Variants in UNC80 observed in about 807,000 individuals in gnomAD.
UNC80 encodes unc-80 subunit of NALCN channel complex, also known as protein unc-80 homolog.
In UNC80, 164 loss-of-function variants were observed where a neutral mutation model predicts 384.6. The ratio of observed to expected loss-of-function variants is 0.43; its 90% CI spans 0.38 to 0.49. The LOEUF is 0.49. UNC80 is among the 20% of genes least tolerant of loss of function. The pLI, the probability that UNC80 is intolerant of heterozygous loss-of-function variation, is 0.00. For missense variants in UNC80, 3,330 were observed against 4,143.0 expected, an observed-to-expected ratio of 0.80 and a Z score of 5.39; for synonymous variants, 1,486 against 1,527.8, an observed-to-expected ratio of 0.97 and a Z score of 0.64.
chr2:209,826,646 A>G (rs2080543371), intron 14 of UNC80, among the ~76,000 whole-genome samples: 1 of 152,172 alleles, frequency 6.6e-6, no homozygotes, highest in Admixed American at 6.5e-5. Context: ...TGGGCTTGCC[A>G]AACGTAATTC....
At chr2:209,897,289 G>C (rs966123543) in intron 28 of UNC80, among the ~76,000 whole-genome samples, 5 of 152,180 alleles carry the variant, frequency 3.3e-5, no homozygotes, top group African/African-American at 1.2e-4. Context: ...GCCAGGTTGA[G>C]AAAACATTAT....
At chr2:209,883,530 A>G (rs1425964970) in intron 25 of UNC80, among the ~76,000 whole-genome samples, 2 of 145,702 alleles carry the variant, frequency 1.4e-5, no homozygotes, top group African/African-American at 5.1e-5. Flanking sequence ...TCCCAGGTTC[A>G]CACCATTCTC....
intron 2 of UNC80, among the ~76,000 whole-genome samples, chr2:209,774,187 C>T (rs2076738446): frequency 6.6e-6 from 1 of 152,222 alleles, no homozygotes; most frequent in Non-Finnish European, 1.5e-5. Flanking sequence ...AAGTTAAACA[C>T]ATACATGCCC....
intron 56 of UNC80, among the ~76,000 whole-genome samples, chr2:209,975,231 C>T (rs1258381545): frequency 1.3e-5 from 2 of 152,160 alleles, no homozygotes; most frequent in African/African-American, 4.8e-5. Context: ...TGCTGAGATT[C>T]ATGGGCCTTA....
chr2:209,883,675 C>T (rs147958348), intron 25 of UNC80, among the ~76,000 whole-genome samples: 14 of 152,064 alleles, frequency 9.2e-5, no homozygotes, highest in Admixed American at 2.6e-4. Context: ...CCTCATGATC[C>T]GCCTGCCTTG....
intron 48 of UNC80, among the ~76,000 whole-genome samples, chr2:209,956,540 C>T (rs2092424110): frequency 6.6e-6 from 1 of 152,136 alleles, no homozygotes; most frequent in Non-Finnish European, 1.5e-5. Context: ...TACCTTCCAA[C>T]CAGCAATAGC....
intron 20 of UNC80, 118 bp downstream of exon 20, chr2:209,840,766 A>T: frequency 1.3e-6 from 1 of 778,440 alleles, no homozygotes; most frequent in Non-Finnish European, 2.1e-6. Flanking sequence ...GAAACTCTCC[A>T]GATGAGCTAA....
chr2:209,934,785 G>A (rs1482188799), intron 39 of UNC80, among the ~76,000 whole-genome samples: 2 of 152,178 alleles, frequency 1.3e-5, no homozygotes, highest in African/African-American at 4.8e-5. Context: ...AGGAATAAAT[G>A]AGTTGAGATA....
In UNC80 at chr2:209,936,833, T is replaced by C; in HGVS notation, c.6274-11T>C. 1 of 1,523,568 alleles carries C rather than the reference T, an allele frequency of 6.6e-7. No individual in the cohort carries two copies. The highest frequency in any genetic ancestry group is 8.9e-7 in the Non-Finnish European group (1 of 1,121,502). The allele number at this position is 1,523,568 out of a possible 1,614,324, so 94.4% of individuals were successfully genotyped here. On this transcript the variant is annotated splice_polypyrimidine_tract_variant and intron_variant, in intron 40 of 64. Coordinates refer to ENST00000673920, the MANE Select transcript of UNC80 (RefSeq NM_001371986.1). ...ATAAACATTTATTAAAATTTGTTGC[T>C]ATTGTTCTAGGAGTGTCTGGAGTTT...
At chr2:209,894,725 C>A (rs539034626) in intron 27 of UNC80, among the ~76,000 whole-genome samples, 46 of 152,332 alleles carry the variant, frequency 3.0e-4, no homozygotes, top group African/African-American at 1.1e-3. Context: ...GGAAAGAAAA[C>A]ACTTTAATGA....
chr2:209,989,416 C>T (rs2093352151), intron 61 of UNC80, among the ~76,000 whole-genome samples: 1 of 151,968 alleles, frequency 6.6e-6, no homozygotes, highest in Non-Finnish European at 1.5e-5. Flanking sequence ...CATATAGTCT[C>T]AACTTTTCAG....
chr2:209,973,901 G>A (rs1480414869), intron 56 of UNC80, among the ~76,000 whole-genome samples: 1 of 152,128 alleles, frequency 6.6e-6, no homozygotes, highest in Non-Finnish European at 1.5e-5. Context: ...GGCCAGTCCA[G>A]TCCTGCTCCC....
chr2:209,813,230 C>T (rs537477715), intron 7 of UNC80, among the ~76,000 whole-genome samples: 1 of 152,296 alleles, frequency 6.6e-6, no homozygotes, highest in East Asian at 1.9e-4. Context: ...CCAAATTACT[C>T]ACCAATTACT....
chr2:209,970,526 C>T (rs562990987), intron 53 of UNC80, among the ~76,000 whole-genome samples: 11 of 152,278 alleles, frequency 7.2e-5, no homozygotes, highest in Non-Finnish European at 1.6e-4. Flanking sequence ...ATGTTGACCG[C>T]ATTCCTTTGA....
chr2:209,794,217 T>C (rs2153825817), intron 7 of UNC80, among the ~76,000 whole-genome samples: 1 of 152,366 alleles, frequency 6.6e-6, no homozygotes, highest in South Asian at 2.1e-4. Context: ...TAGATCCTTG[T>C]ATTAAAATTA....
At chr2:209,817,489 AT>A (rs1238649163) in intron 10 of UNC80, among the ~76,000 whole-genome samples, 1 of 151,468 alleles carries the variant, frequency 6.6e-6, no homozygotes, top group African/African-American at 2.4e-5. Flanking sequence ...AGGAAAAAAA[AT>A]ATATATATTA....
In UNC80 at chr2:209,815,197, A is replaced by G. The variant is rs187670350; in HGVS notation, c.1201-60A>G. 2.1e-4 allele frequency: 306 copies of G among 1,488,044 alleles called. No homozygotes were observed. The African/African-American group carries it at 2.5e-3, about 12-fold the overall frequency. The allele number at this position is 1,488,044 out of a possible 1,614,324, so 92.2% of individuals were successfully genotyped here. A position where few individuals can be genotyped will look rare whatever the true frequency, so the allele number is the denominator to read the frequency against. On this transcript the variant is annotated intron_variant, in intron 8 of 64. Transcript: ENST00000673920. ...TCCCTATTAAAAATGTGACATTTCA[A>G]TAAGAACAGTATTTGGATGTAAAGT...
intron 6 of UNC80, among the ~76,000 whole-genome samples, chr2:209,790,425 G>A (rs774661799): frequency 6.6e-6 from 1 of 152,158 alleles, no homozygotes; most frequent in Non-Finnish European, 1.5e-5. Context: ...CAATTACTAA[G>A]TACAGACGCT....
intron 9 of UNC80, 143 bp from the exon 10 acceptor site, chr2:209,816,766 A>G (rs748441183): frequency 2.8e-6 from 2 of 703,944 alleles, no homozygotes; most frequent in Non-Finnish European, 4.7e-6. Context: ...TCCCATTTTT[A>G]TTGGATGATA....
Sources: allele counts gnomAD v4.1 joint callset (sites outside exome capture counted in the v4.1 genomes callset), GRCh38; gene constraint gnomAD v4.1.1; transcripts MANE v1.5; gene names NCBI Gene and HGNC (gene_info 2026-07-23, HGNC 2026-07-21).